Variants in KANSL1 observed in about 807,000 individuals in gnomAD.
The protein encoded by KANSL1 is MLL1/MLL complex subunit KANSL1.
Under a neutral mutation model 103.6 loss-of-function variants are expected in KANSL1, and 22 were observed. The ratio of observed to expected loss-of-function variants is 0.21; its 90% confidence interval spans 0.15 to 0.30. The LOEUF (loss-of-function observed/expected upper bound fraction) is 0.30, where lower values mean the gene tolerates loss of function less well. Among genes scored for constraint, KANSL1 ranks in the 10% least tolerant of loss-of-function variants. The pLI, the probability that KANSL1 is intolerant of heterozygous loss-of-function variation, is 1.00. For missense variants in KANSL1, 1,337 were observed against 1,399.8 expected (o/e 0.96, Z 0.72); for synonymous variants, 600 against 527.6 (o/e 1.14, Z -1.88).
At chr17:46,116,525 G>A (rs1415991012) in intron 2 of KANSL1, among the ~76,000 whole-genome samples, 9 of 150,940 alleles carry the variant, frequency 6.0e-5, no homozygotes, top group African/African-American at 1.5e-4. Flanking sequence ...GCGCGACTCC[G>A]TCTCAAAAAA....
At chr17:46,195,313 G>C (rs2732660), upstream of KANSL1, among the ~76,000 whole-genome samples, 21,951 of 152,160 alleles carry the variant, frequency 0.14, 2,136 homozygotes, top group Non-Finnish European at 0.22. Context: ...TTTTAAGACT[G>C]AACTGTCAGA....
intron 6 of KANSL1, among the ~76,000 whole-genome samples, chr17:46,064,053 T>TAAAAAAAAAAAAAAAAAAAAAAA (rs58111244): frequency 1.9e-5 from 2 of 105,730 alleles, no homozygotes; most frequent in African/African-American, 7.0e-5. Flanking sequence ...CGACTATTAG[T>TAAAAAAAAAAAAAAAAAAAAAAA]AAAAAAAAAA....
At position 46,094,589 on chromosome 17, in the gene KANSL1, C is replaced by G. The variant is rs745576981; in HGVS notation, c.1402G>C (p.Asp468His). The stretch of plus-strand genomic sequence containing the variant: ...TTAGCACGTATCTGTTTGTAAATGT[C>G]TGTTTGCTGACGAATTCGATATTCC... ...DLEYRIRQQT[D>H]IYKQIRANKG... Residue 468 changes from aspartate (D) to histidine (H), a missense_variant, in exon 3 of 15, where the codon GAC (aspartate) becomes CAC (histidine). By Grantham distance (81) the Asp-to-His change is moderately conservative. Transcript: ENST00000432791. 4.5e-5 allele frequency: 72 copies of G among 1,613,562 alleles called. No individual in the cohort carries two copies. The highest frequency in any genetic ancestry group is 6.1e-5 in the Non-Finnish European group (72 of 1,180,014).
intron 2 of KANSL1, among the ~76,000 whole-genome samples, chr17:46,141,665 C>G (rs2044428560): frequency 6.6e-6 from 1 of 152,104 alleles, no homozygotes; most frequent in Non-Finnish European, 1.5e-5. Context: ...AAAAAATACC[C>G]TAAATGAATC....
chr17:46,159,654 T>C (rs969790086), intron 2 of KANSL1, among the ~76,000 whole-genome samples: 6 of 152,254 alleles, frequency 3.9e-5, no homozygotes, highest in South Asian at 2.1e-4. Context: ...AATTCACCTG[T>C]AAGCACAAGT....
At chr17:46,106,517 C>T (rs952009038) in intron 2 of KANSL1, among the ~76,000 whole-genome samples, 1 of 152,094 alleles carries the variant, frequency 6.6e-6, no homozygotes, top group African/African-American at 2.4e-5. Context: ...CTCAGCCTCC[C>T]GAGTAGCTGG....
At chr17:46,210,007 G>C (rs2668690) in intron 1 of KANSL1, among the ~76,000 whole-genome samples, 17,176 of 150,094 alleles carry the variant, frequency 0.11, no homozygotes, top group Non-Finnish European at 0.17. Flanking sequence ...TGTCATCAAA[G>C]TAACTTCCAT....
chr17:46,119,862 T>C (rs1370001503), intron 2 of KANSL1: 1 of 152,250 alleles, frequency 6.6e-6, no homozygotes, highest in Non-Finnish European at 1.5e-5. Flanking sequence ...CTAAAATGCC[T>C]AGTATTTCTG....
At chr17:46,225,091 A>C (rs2048644501), upstream of KANSL1, among the ~76,000 whole-genome samples, 1 of 151,604 alleles carries the variant, frequency 6.6e-6, no homozygotes, top group South Asian at 2.1e-4. Context: ...TCCCAGGCCT[A>C]CGAGTGGGCG....
At chr17:46,135,695 CTTT>C (rs35094789) in intron 2 of KANSL1, among the ~76,000 whole-genome samples, 44 of 84,416 alleles carry the variant, frequency 5.2e-4, no homozygotes, top group Admixed American at 9.6e-4. Context: ...CCATGCCTGG[CTTT>C]TTTTTTTTTT....
At chr17:46,197,620 G>A (rs929305685), upstream of KANSL1, among the ~76,000 whole-genome samples, 7 of 152,244 alleles carry the variant, frequency 4.6e-5, no homozygotes, top group South Asian at 2.1e-4. Flanking sequence ...TCCAGCCTAC[G>A]CGACAGAAGG....
chr17:46,140,800 A>G (rs1454717468), intron 2 of KANSL1, among the ~76,000 whole-genome samples: 4 of 152,368 alleles, frequency 2.6e-5, no homozygotes, highest in Non-Finnish European at 5.9e-5. Flanking sequence ...GCCATTAGAG[A>G]AATTAAAATC....
At chr17:46,095,249 C>A (rs1299185277) in intron 2 of KANSL1, among the ~76,000 whole-genome samples, 2 of 152,066 alleles carry the variant, frequency 1.3e-5, no homozygotes, top group East Asian at 3.8e-4. Flanking sequence ...TTTAGGATGG[C>A]GATTCTCATG....
chr17:46,200,693 G>C (rs1458682399), intron 1 of KANSL1, among the ~76,000 whole-genome samples: 1 of 152,116 alleles, frequency 6.6e-6, no homozygotes, highest in Non-Finnish European at 1.5e-5. Context: ...AGCGAGCGGA[G>C]ATCACGCCAG....
intron 2 of KANSL1, among the ~76,000 whole-genome samples, chr17:46,113,392 G>C (rs1179274568): frequency 1.3e-5 from 2 of 152,212 alleles, no homozygotes; most frequent in Non-Finnish European, 2.9e-5. Flanking sequence ...AGAAGTTTAA[G>C]CCATGACCCA....
rs1037585739 is a variant in KANSL1, at chr17:46,032,135, G to T, written c.3002C>A (p.Pro1001His). 1 of 1,614,090 alleles carries T rather than the reference G, an allele frequency of 6.2e-7. No homozygotes were observed. Among genetic ancestry groups the T allele is most frequent in the African/African-American group, 1.3e-5 (1 of 75,038 alleles). Residue 1001 changes from proline to histidine, a missense_variant, in exon 14 of 15, where the codon CCC becomes CAC. Pro to His is a moderately conservative substitution (Grantham distance 77). Coordinates refer to ENST00000432791, the MANE Select transcript of KANSL1 (RefSeq NM_015443.4). Reference sequence around the variant, plus strand: ...AGTGTCCCGAGCCACAGGGGTGAGGGGTGCTGAGTGCAGTTCCGGGCTAAT... The same window carrying T: ...AGTGTCCCGAGCCACAGGGGTGAGGTGTGCTGAGTGCAGTTCCGGGCTAAT... The part of the protein sequence containing the change: ...SPISPELHSA[P>H]LTPVARDTPR...
chr17:46,057,382 T>C (rs1167977725), intron 6 of KANSL1, among the ~76,000 whole-genome samples: 2 of 152,196 alleles, frequency 1.3e-5, no homozygotes, highest in Non-Finnish European at 2.9e-5. Flanking sequence ...CTTTCTTCTG[T>C]ACAAACTGTA....
chr17:46,089,946 T>C (rs1273317442), intron 3 of KANSL1, among the ~76,000 whole-genome samples: 1 of 152,248 alleles, frequency 6.6e-6, no homozygotes, highest in Non-Finnish European at 1.5e-5. Context: ...CATGGCTTGT[T>C]AGAGCAAGTT....
intron 8 of KANSL1, 100 bp from the exon 9 acceptor site, chr17:46,039,315 T>C (rs567000524): frequency 3.6e-6 from 4 of 1,114,072 alleles, no homozygotes; most frequent in Admixed American, 6.2e-5. Context: ...CAACGCCGTA[T>C]ACCCAGGGCA....
Sources: allele counts gnomAD v4.1 joint callset (sites outside exome capture counted in the v4.1 genomes callset), GRCh38; gene constraint gnomAD v4.1.1; transcripts MANE v1.5; gene names NCBI Gene and HGNC (gene_info 2026-07-23, HGNC 2026-07-21).